The following NIPAL2 variants were observed in gnomAD, a reference collection of about 807,000 sequenced individuals.
The protein encoded by NIPAL2 is NIPA like domain containing 2.
In NIPAL2, 43 loss-of-function variants were observed where a neutral mutation model predicts 48.9. That is an observed-to-expected ratio of 0.88 (90% CI 0.69 to 1.13). NIPAL2 has a LOEUF of 1.13. NIPAL2 is among the 50% of genes most tolerant of loss of function. The probability of loss-of-function intolerance (pLI) is 0.00; values close to 1 mark genes in which losing one functional copy is unlikely to be tolerated. For synonymous variants in NIPAL2, 167 were observed against 174.6 expected (o/e 0.96, Z 0.34); for missense variants, 446 against 461.4 (o/e 0.97, Z 0.31).
chr8:98,274,540 G>T (rs1464920459), intron 1 of NIPAL2, among the ~76,000 whole-genome samples: 2 of 151,838 alleles, frequency 1.3e-5, no homozygotes, highest in South Asian at 2.1e-4. Context: ...CCTTTTATCA[G>T]TATGACTCTT....
rs754943148 is a variant in NIPAL2, at chr8:98,205,230, A to G, written c.672T>C (p.Ile224=). 2.2e-5 allele frequency: 36 copies of G among 1,611,284 alleles called. 2 individuals are homozygous for G. In the South Asian group the frequency reaches 3.9e-4, roughly 17 times the overall value. The change falls in exon 7 of 11, where the codon ATT becomes ATC. Residue 224 remains isoleucine, a synonymous_variant. Coordinates refer to ENST00000430223, the MANE Select transcript of NIPAL2 (RefSeq NM_001321635.2). ...TCATGCCTGAGACGGCCTTTACTGAAATAACAGTCAATGAGGCTGAAAAAG... is the reference window on the plus strand; with the variant it reads ...TCATGCCTGAGACGGCCTTTACTGAGATAACAGTCAATGAGGCTGAAAAAG... ...LVAILASLTV[I]SVKAVSGMIT... is the part of the protein sequence containing the mutation.
At chr8:98,280,898 A>C (rs898077542) in intron 1 of NIPAL2, among the ~76,000 whole-genome samples, 6 of 151,656 alleles carry the variant, frequency 4.0e-5, no homozygotes, top group East Asian at 3.9e-4. Flanking sequence ...TATAGGTTTA[A>C]AATTTTCCAA....
intron 8 of NIPAL2, 99 bp from the exon 9 acceptor site, chr8:98,196,104 A>G (rs924441651): frequency 3.9e-6 from 3 of 765,404 alleles, no homozygotes; most frequent in African/African-American, 3.7e-5. Context: ...TTATTTTTTC[A>G]AAGTAAATTT....
chr8:98,293,953 G>A lies in NIPAL2; in HGVS notation c.135+50C>T, dbSNP rs978937142. 1.9e-5 allele frequency: 26 copies of A among 1,368,166 alleles called. No individual in the cohort carries two copies. In the African/African-American group the frequency reaches 3.5e-4, roughly 19 times the overall value. 84.8% of individuals were successfully genotyped at this position (1,368,166 alleles called of 1,614,324 possible). On this transcript the variant is annotated intron_variant, in intron 1 of 10. Transcript: ENST00000430223. ...GGCGCAGAGGCGCCCGGAGCCAGCC[G>A]CCCTGGCCGCGTCCCCACCGGGCTG...
chr8:98,266,421 G>C (rs1814746292), intron 1 of NIPAL2, among the ~76,000 whole-genome samples: 1 of 151,992 alleles, frequency 6.6e-6, no homozygotes, highest in African/African-American at 2.4e-5. Context: ...GGGCAACACA[G>C]TGAAACCCTG....
At chr8:98,268,260 ATG>A (rs1228743935) in intron 1 of NIPAL2, among the ~76,000 whole-genome samples, 2 of 152,140 alleles carry the variant, frequency 1.3e-5, no homozygotes, top group African/African-American at 4.8e-5. Flanking sequence ...TTGGTAATAT[ATG>A]TGTGTCTTTA....
At chr8:98,259,461 A>T (rs1814154362) in intron 1 of NIPAL2, among the ~76,000 whole-genome samples, 1 of 152,184 alleles carries the variant, frequency 6.6e-6, no homozygotes, top group Non-Finnish European at 1.5e-5. Context: ...TTAATATCTT[A>T]ATGTATCAGA....
At chr8:98,223,554 A>G (rs1289981286) in intron 4 of NIPAL2, among the ~76,000 whole-genome samples, 1 of 152,266 alleles carries the variant, frequency 6.6e-6, no homozygotes, top group Non-Finnish European at 1.5e-5. Context: ...TATAACCAAC[A>G]TAGACTCCAA....
chr8:98,251,654 T>C (rs1435074043), intron 3 of NIPAL2: 1 of 152,234 alleles, frequency 6.6e-6, no homozygotes, highest in Admixed American at 6.5e-5. Context: ...TTAAATGATG[T>C]TTTCTTTAAG....
chr8:98,257,532 C>T (rs903850804), intron 1 of NIPAL2, among the ~76,000 whole-genome samples: 3 of 151,934 alleles, frequency 2.0e-5, no homozygotes, highest in African/African-American at 4.8e-5. Context: ...GCCGGGATTA[C>T]GGGTGTGAGC....
chr8:98,269,745 A>G (rs1815012133), intron 1 of NIPAL2, among the ~76,000 whole-genome samples: 1 of 152,096 alleles, frequency 6.6e-6, no homozygotes, highest in African/African-American at 2.4e-5. Context: ...TTAGAAGGGT[A>G]TGTTCGCAAG....
At chr8:98,241,141 G>T (rs1812960866) in intron 3 of NIPAL2, among the ~76,000 whole-genome samples, 1 of 152,140 alleles carries the variant, frequency 6.6e-6, no homozygotes, top group South Asian at 2.1e-4. Flanking sequence ...ATGTGTGTAG[G>T]TATAACTGAA....
intron 3 of NIPAL2, among the ~76,000 whole-genome samples, chr8:98,247,637 C>T (rs1813376222): frequency 6.6e-6 from 1 of 152,114 alleles, no homozygotes; most frequent in Non-Finnish European, 1.5e-5. Flanking sequence ...TGCAGACAGA[C>T]AGAAATAAAG....
chr8:98,283,232 T>C (rs1333579687), intron 1 of NIPAL2, among the ~76,000 whole-genome samples: 1 of 152,186 alleles, frequency 6.6e-6, no homozygotes, highest in Non-Finnish European at 1.5e-5. Flanking sequence ...TAAGCCTGAG[T>C]TTTACTAAGA....
chr8:98,270,218 G>A (rs898401098), intron 1 of NIPAL2, among the ~76,000 whole-genome samples: 1 of 152,170 alleles, frequency 6.6e-6, no homozygotes, highest in African/African-American at 2.4e-5. Context: ...GGATTGCTGG[G>A]TGAAATGGTA....
chr8:98,291,775 C>T (rs1269710152), intron 1 of NIPAL2, among the ~76,000 whole-genome samples: 2 of 152,224 alleles, frequency 1.3e-5, no homozygotes, highest in Non-Finnish European at 1.5e-5. Context: ...AAGCACACAG[C>T]GTCTGAGTAG....
At chr8:98,255,910 TG>T (rs1813862835) in intron 1 of NIPAL2, among the ~76,000 whole-genome samples, 1 of 152,214 alleles carries the variant, frequency 6.6e-6, no homozygotes. Flanking sequence ...GGCTTCAGGC[TG>T]GGTATTCAAA....
Position 98,242,488 on chromosome 8 carries a change from A to ATTTT in NIPAL2, c.377-6278_377-6275dup, listed in dbSNP as rs568464494. Among the ~76,000 whole-genome samples the ATTTT allele has an allele frequency of 4.8e-3, 562 of 117,770 alleles. 12 individuals are homozygous for ATTTT. Among genetic ancestry groups the ATTTT allele is most frequent in the African/African-American group, 0.013 (404 of 30,312 alleles). The allele number at this position is 117,770 out of a possible 152,430, so 77.3% of individuals were successfully genotyped here. A position where few individuals can be genotyped will look rare whatever the true frequency, so the allele number is the denominator to read the frequency against. ...AGGCAAAAGCCACTGCACCTGACAG[A>ATTTT]TTTTTTTTTTTTTTTTTTTAACTGA... is the stretch of plus-strand genomic sequence containing the variant. On this transcript the variant is annotated intron_variant, in intron 3 of 10. Coordinates refer to ENST00000430223, the MANE Select transcript of NIPAL2 (RefSeq NM_001321635.2).
intron 4 of NIPAL2, among the ~76,000 whole-genome samples, chr8:98,235,865 G>C (rs957145327): frequency 6.6e-6 from 1 of 151,026 alleles, no homozygotes; most frequent in African/African-American, 2.4e-5. Context: ...CCCTTCAACT[G>C]ATTAATATTA....
Sources: allele counts gnomAD v4.1 joint callset (sites outside exome capture counted in the v4.1 genomes callset), GRCh38; gene constraint gnomAD v4.1.1; transcripts MANE v1.5; gene names NCBI Gene and HGNC (gene_info 2026-07-23, HGNC 2026-07-21).